DPP9: variants seen among roughly 807,000 people sequenced by gnomAD.
DPP9 encodes dipeptidyl peptidase 9, also known as dipeptidyl peptidase IV-related protein-2.
Under a neutral mutation model 110.7 loss-of-function variants are expected in DPP9, and 50 were observed. The observed-to-expected ratio is 0.45, with a 90% CI of 0.36 to 0.57. The LOEUF (loss-of-function observed/expected upper bound fraction) is 0.57, where lower values mean the gene tolerates loss of function less well. Among genes scored for constraint, DPP9 ranks in the 20% least tolerant of loss-of-function variants. The pLI, the probability that DPP9 is intolerant of heterozygous loss-of-function variation, is 0.00. For synonymous variants in DPP9, 561 were observed against 514.4 expected (o/e 1.09, Z -1.23); for missense variants, 1,022 against 1,217.9 (o/e 0.84, Z 2.39).
At chr19:4,691,764 G>A (rs898361061) in intron 13 of DPP9, among the ~76,000 whole-genome samples, 8 of 142,428 alleles carry the variant, frequency 5.6e-5, no homozygotes, top group African/African-American at 7.9e-5. Flanking sequence ...TGCAACCTCC[G>A]TCTCCTGGGT....
chr19:4,694,941 A>C lies in DPP9; in HGVS notation c.1354-118T>G. Reference sequence around the variant, plus strand: ...GGCAGGAGACTTGCTTGAGCCCAGGAATTTCAGAGACCAGCCTGGACAACA... The same window carrying C: ...GGCAGGAGACTTGCTTGAGCCCAGGCATTTCAGAGACCAGCCTGGACAACA... On this transcript the variant is annotated intron_variant, in intron 12 of 21. Transcript: ENST00000262960. This position sits in a 1 kb window ranked among gnomAD's most constrained non-coding sequence, Gnocchi z 4.0. 1 of 948,322 alleles carries C rather than the reference A, an allele frequency of 1.1e-6. No individual in the cohort carries two copies. The highest frequency in any genetic ancestry group is 1.6e-6 in the Non-Finnish European group (1 of 631,810). The allele number at this position is 948,322 out of a possible 1,614,324, so 58.7% of individuals were successfully genotyped here.
chr19:4,722,769 G>C lies in DPP9; in HGVS notation c.-88-218C>G, dbSNP rs893937795. ...CCCGATTCCCCTGGGACCCAGCAGAGGAATGCAGGGATTGGTGCCTACGGT... is the reference window on the plus strand; with the variant it reads ...CCCGATTCCCCTGGGACCCAGCAGACGAATGCAGGGATTGGTGCCTACGGT... On this transcript the variant is annotated intron_variant, in intron 1 of 21. Transcript: ENST00000262960. The C allele has an allele frequency of 5.5e-6, 3 of 549,430 alleles. No homozygotes were observed. In the African/African-American group the frequency reaches 5.8e-5, roughly 11 times the overall value. 34.0% of individuals were successfully genotyped at this position (549,430 alleles called of 1,614,324 possible).
chr19:4,702,818 GAGGGAAGGAA>G (rs2092350887), intron 7 of DPP9, 102 bp from the exon 8 acceptor site: 1 of 275,076 alleles, frequency 3.6e-6, no homozygotes, highest in Non-Finnish European at 7.0e-6. Context: ...GAGAGAGAAG[GAGGGAAGGAA>G]AGGGAAGGAG....
Position 4,685,059 on chromosome 19 carries a change from C to T in DPP9, c.2032-250G>A. ...TCTCAGCTGGGCCACTGCCCCAGTCCTGCCTGGAACAACTACTCTGGCATG... is the reference window on the plus strand; with the variant it reads ...TCTCAGCTGGGCCACTGCCCCAGTCTTGCCTGGAACAACTACTCTGGCATG... On this transcript the variant is annotated intron_variant, in intron 17 of 21. Transcript: ENST00000262960. This position sits in a 1 kb window ranked among gnomAD's most constrained non-coding sequence, Gnocchi z 5.8. 2 of 659,902 alleles carry T rather than the reference C, an allele frequency of 3.0e-6. No homozygotes were observed. The highest frequency in any genetic ancestry group is 5.6e-6 in the Non-Finnish European group (2 of 358,306). The allele number at this position is 659,902 out of a possible 1,614,324, so 40.9% of individuals were successfully genotyped here.
chr19:4,717,292 G>C (rs2093125282), intron 3 of DPP9, among the ~76,000 whole-genome samples: 1 of 152,172 alleles, frequency 6.6e-6, no homozygotes, highest in South Asian at 2.1e-4. Flanking sequence ...CAGAGCTGCA[G>C]GTCCCCTCCA....
rs74793100 is a variant in DPP9, at chr19:4,702,073, A to G, written c.966T>C (p.Pro322=). 5,775 of 1,613,916 alleles carry G rather than the reference A, an allele frequency of 3.6e-3. 154 individuals carry two copies. The African/African-American group carries it at 0.066, about 18-fold the overall frequency. ...AGTCCGTCTTCCTTTCTTCTAGCGC[A>G]GGAGAGGGGACGTGAATGACCTCCA... The part of the protein sequence containing the change: ...SEVEVIHVPS[P]ALEERKTDSY... Residue 322 remains proline, a synonymous_variant, in exon 9 of 22, where the codon CCT becomes CCC. Coordinates refer to ENST00000262960, the MANE Select transcript of DPP9 (RefSeq NM_139159.5).
chr19:4,699,424 T>G (rs1269046243), intron 10 of DPP9, among the ~76,000 whole-genome samples: 1 of 151,822 alleles, frequency 6.6e-6, no homozygotes, highest in Non-Finnish European at 1.5e-5. Context: ...CCCTTCTGGG[T>G]CTTATGGGAT....
rs763009400 is a variant in DPP9 at position 4,693,410 on chromosome 19, A to G, written c.1516+1251T>C. 4.6e-5 allele frequency among the ~76,000 whole-genome samples: 7 copies of G among 152,090 alleles called. No individual in the cohort carries two copies. Among genetic ancestry groups the G allele is most frequent in the Non-Finnish European group, 8.8e-5 (6 of 67,988 alleles). ...TCCAGGCACGGGAACTGGCCCATAC[A>G]GCATCTCCACTACCGGGCACCTCAA... On this transcript the variant is annotated intron_variant, in intron 13 of 21. Coordinates refer to ENST00000262960, the MANE Select transcript of DPP9 (RefSeq NM_139159.5). The surrounding 1 kb of genome is among the most constrained non-coding windows in gnomAD (Gnocchi z 5.0).
At position 4,710,328 on chromosome 19, in the gene DPP9, T is replaced by C. The variant is rs1328804718; in HGVS notation, c.313+3753A>G. 1.3e-5 allele frequency among the ~76,000 whole-genome samples: 2 copies of C among 152,172 alleles called. No homozygotes were observed. Among genetic ancestry groups the C allele is most frequent in the Non-Finnish European group, 2.9e-5 (2 of 68,030 alleles). ...TTCTTGCTTTCCCTTTCGAGGGAGT[T>C]CCAGAACTGTCTGGAACCCTGTGGC... On this transcript the variant is annotated intron_variant, in intron 4 of 21. Coordinates refer to ENST00000262960, the MANE Select transcript of DPP9 (RefSeq NM_139159.5). The surrounding 1 kb of genome is among the most constrained non-coding windows in gnomAD (Gnocchi z 5.6).
chr19:4,685,953 T>C lies in DPP9; in HGVS notation c.1886-182A>G. ...TTCATTAAATAAGATTTGTACAGTTTTTGTAGAGATGGGGTCTTGTCTCCC... is the reference window on the plus strand; with the variant it reads ...TTCATTAAATAAGATTTGTACAGTTCTTGTAGAGATGGGGTCTTGTCTCCC... On this transcript the variant is annotated intron_variant, in intron 16 of 21. Coordinates refer to ENST00000262960, the MANE Select transcript of DPP9 (RefSeq NM_139159.5). This position sits in a 1 kb window ranked among gnomAD's most constrained non-coding sequence, Gnocchi z 5.8. The C allele has an allele frequency of 1.6e-6, 1 of 640,788 alleles. No individual in the cohort carries two copies. The allele number at this position is 640,788 out of a possible 1,614,324, so 39.7% of individuals were successfully genotyped here. A position where few individuals can be genotyped will look rare whatever the true frequency, so the allele number is the denominator to read the frequency against.
intron 3 of DPP9, among the ~76,000 whole-genome samples, chr19:4,717,327 G>C (rs1178465168): frequency 6.6e-6 from 1 of 152,190 alleles, no homozygotes; most frequent in Non-Finnish European, 1.5e-5. Context: ...CACAAGCAGC[G>C]TTAGGCAGCG....
intron 3 of DPP9, 22 bp from the exon 4 acceptor site, chr19:4,714,359 T>G: frequency 6.8e-7 from 1 of 1,467,086 alleles, no homozygotes; most frequent in South Asian, 1.3e-5. Context: ...AAGCAAAGAC[T>G]ATGAGAAAGG....
At chr19:4,691,717 G>T (rs915990041) in intron 13 of DPP9, among the ~76,000 whole-genome samples, 2 of 134,712 alleles carry the variant, frequency 1.5e-5, no homozygotes, top group Non-Finnish European at 3.0e-5. Context: ...TGCTCTTGTC[G>T]CCCAGGCTGG....
chr19:4,701,453 G>T (rs973887620), intron 9 of DPP9, among the ~76,000 whole-genome samples: 3 of 152,132 alleles, frequency 2.0e-5, no homozygotes, highest in Non-Finnish European at 2.9e-5. Context: ...GAGCCACAAG[G>T]TGAAACCTTG....
At position 4,704,325 on chromosome 19, in the gene DPP9, G is replaced by A. The variant is rs1018195180; in HGVS notation, c.427-21C>T. ...GTGGCCTGGAAACATACAGGGGACAGGGGGCAGCGTCAGTGGGCAAAGAGG... is the reference window on the plus strand; with the variant it reads ...GTGGCCTGGAAACATACAGGGGACAAGGGGCAGCGTCAGTGGGCAAAGAGG... On this transcript the variant is annotated intron_variant, in intron 5 of 21. Coordinates refer to ENST00000262960, the MANE Select transcript of DPP9 (RefSeq NM_139159.5). This position sits in a 1 kb window ranked among gnomAD's most constrained non-coding sequence, Gnocchi z 6.0. The A allele has an allele frequency of 9.4e-6, 15 of 1,596,178 alleles. No homozygotes were observed. The highest frequency in any genetic ancestry group is 1.3e-5 in the African/African-American group (1 of 74,688).
intron 4 of DPP9, among the ~76,000 whole-genome samples, chr19:4,711,940 G>C (rs374940061): frequency 5.9e-5 from 9 of 152,194 alleles, no homozygotes; most frequent in African/African-American, 1.9e-4. Context: ...GGCCAGGACT[G>C]GTTCTCCTCT....
chr19:4,711,279 G>A (rs1174993889), intron 4 of DPP9, among the ~76,000 whole-genome samples: 2 of 152,106 alleles, frequency 1.3e-5, no homozygotes, highest in Non-Finnish European at 2.9e-5. Context: ...GAGCTTGGAG[G>A]GTTTCTGTCC....
Position 4,714,321 on chromosome 19 carries a change from C to G in DPP9, c.73G>C (p.Glu25Gln), listed in dbSNP as rs375709271. The G allele has an allele frequency of 6.6e-7, 1 of 1,505,976 alleles. No individual in the cohort carries two copies. Among genetic ancestry groups the G allele is most frequent in the East Asian group, 2.5e-5 (1 of 40,706 alleles). The allele number at this position is 1,505,976 out of a possible 1,614,324, so 93.3% of individuals were successfully genotyped here. Reference protein sequence around the residue: ...GSWRSFSLNSEGAERMATTGT... With the variant: ...GSWRSFSLNSQGAERMATTGT... Reference sequence around the variant, plus strand: ...GTGGTGGCCATCCTCTCAGCCCCCTCGGAATTCAGCGAGAAGCTGCGGGGA... The same window carrying G: ...GTGGTGGCCATCCTCTCAGCCCCCTGGGAATTCAGCGAGAAGCTGCGGGGA... The change falls in exon 4 of 22, where the codon GAG becomes CAG. Residue 25 changes from glutamate to glutamine, a missense_variant. This residue lies in a region of DPP9 where 810 missense variants were observed against 920.6 expected (regional missense o/e 0.88). Transcript: ENST00000262960.
In DPP9 at chr19:4,675,330, GGTTT is replaced by G. The variant is rs1052873706; in HGVS notation, c.*1230_*1233del. 9 of 151,174 alleles carry G rather than the reference GGTTT, an allele frequency of 6.0e-5. No homozygotes were observed. Among genetic ancestry groups the G allele is most frequent in the Admixed American group, 2.7e-4 (4 of 15,080 alleles). 9.4% of individuals were successfully genotyped at this position (151,174 alleles called of 1,614,324 possible). A position where few individuals can be genotyped will look rare whatever the true frequency, so the allele number is the denominator to read the frequency against. ...TTTTCTTTCCATAATATGTAGAGGT[GGTTT>G]GTTTCTTTTTTTTTTTTTTCTTTTC... On this transcript the variant is annotated 3_prime_UTR_variant, in exon 22 of 22. Coordinates refer to ENST00000262960, the MANE Select transcript of DPP9 (RefSeq NM_139159.5).
Sources: gnomAD v4.1 joint callset for allele counts (sites outside exome capture counted in the v4.1 genomes callset) on GRCh38, gnomAD v4.1.1 for gene constraint, gnomAD v4.1.1 regional missense constraint, Gnocchi (gnomAD v3.1) non-coding constraint, MANE v1.5 for transcripts, NCBI Gene and HGNC (gene_info 2026-07-23, HGNC 2026-07-21) for gene names.